Variants in SLC25A28 observed in about 807,000 individuals in gnomAD.
The protein encoded by SLC25A28 is solute carrier family 25 member 28, also known as mitoferrin-2.
Under a neutral mutation model 31.9 loss-of-function variants are expected in SLC25A28, and 10 were observed. The observed-to-expected ratio is 0.31, with a 90% confidence interval of 0.19 to 0.53. The LOEUF is 0.53. Ranked by LOEUF, SLC25A28 falls within the 20% of genes least tolerant of loss-of-function variation. SLC25A28 has a pLI of 0.95. For missense variants in SLC25A28, 256 were observed against 490.3 expected, an observed-to-expected ratio of 0.52 and a Z score of 4.51; for synonymous variants, 208 against 203.6, an observed-to-expected ratio of 1.02 and a Z score of -0.19.
At chr10:99,657,979 A>G in the SLC25A28 span, among the ~76,000 whole-genome samples, 3 of 152,084 alleles carry the variant, frequency 2.0e-5, no homozygotes, top group Non-Finnish European at 4.4e-5. Context: ...TGAGCCCAGG[A>G]GTTCAAGACC....
chr10:99,646,520 T>A, the SLC25A28 span, among the ~76,000 whole-genome samples: 2 of 152,340 alleles, frequency 1.3e-5, no homozygotes, highest in African/African-American at 4.8e-5. Flanking sequence ...GGTGAGGTGA[T>A]GCTCCACCCT....
In SLC25A28 at chr10:99,611,261, T is replaced by C; in HGVS notation, c.683A>G (p.Tyr228Cys). 1 of 1,614,080 alleles carries C rather than the reference T, an allele frequency of 6.2e-7. No homozygotes were observed. Among genetic ancestry groups the C allele is most frequent in the Non-Finnish European group, 8.5e-7 (1 of 1,180,006 alleles). ...NEGAGAFYRS[Y>C]TTQLTMNVPF... Reference sequence around the variant, plus strand: ...AACGTTCATGGTCAGCTGGGTGGTGTAGCTGCGGTAAAAGGCCCCGGCCCC... The same window carrying C: ...AACGTTCATGGTCAGCTGGGTGGTGCAGCTGCGGTAAAAGGCCCCGGCCCC... The change falls in exon 4 of 4, where the codon TAC becomes TGC. Residue 228 changes from tyrosine to cysteine, a missense_variant. This residue lies in a region of SLC25A28 where 158 missense variants were observed against 379.1 expected (regional missense o/e 0.42). Coordinates refer to ENST00000370495, the MANE Select transcript of SLC25A28 (RefSeq NM_031212.4). This position sits in a 1 kb window ranked among gnomAD's most constrained non-coding sequence, Gnocchi z 5.5.
rs2034750080 is a variant in SLC25A28, at chr10:99,620,127, G to A, written c.209C>T (p.Ala70Val). ...GPDYEALPAG[A>V]TVTTHMVAGA... is the part of the protein sequence containing the mutation. ...TGCCACCATGTGCGTGGTGACAGTGGCTCCAGCCGGCAGCGCCTCGTAGTC... is the reference window on the plus strand; with the variant it reads ...TGCCACCATGTGCGTGGTGACAGTGACTCCAGCCGGCAGCGCCTCGTAGTC... The change falls in exon 1 of 4, where the codon GCC (alanine) becomes GTC (valine). Residue 70 changes from alanine to valine, a missense_variant. Ala to Val is a moderately conservative substitution (Grantham distance 64). Around this residue, in one of 4 missense-constraint regions of SLC25A28, gnomAD observed 41 missense variants for 41.7 expected, o/e 0.98. Coordinates refer to ENST00000370495, the MANE Select transcript of SLC25A28 (RefSeq NM_031212.4). 1.3e-6 allele frequency: 2 copies of A among 1,580,718 alleles called. No individual in the cohort carries two copies. The highest frequency in any genetic ancestry group is 1.1e-5 in the South Asian group (1 of 90,014).
At chr10:99,619,320 T>A in intron 1 of SLC25A28, 1 of 985,446 alleles carries the variant, frequency 1.0e-6, no homozygotes, top group Non-Finnish European at 1.2e-6. Flanking sequence ...CAAAGAAATA[T>A]GCTATCAGTT....
At position 99,613,494 on chromosome 10, in the gene SLC25A28, T is replaced by A; in HGVS notation, c.520+202A>T. 3 of 1,438,152 alleles carry A rather than the reference T, an allele frequency of 2.1e-6. No homozygotes were observed. The highest frequency in any genetic ancestry group is 2.7e-6 in the Non-Finnish European group (3 of 1,101,264). The allele number at this position is 1,438,152 out of a possible 1,614,324, so 89.1% of individuals were successfully genotyped here. A position where few individuals can be genotyped will look rare whatever the true frequency, so the allele number is the denominator to read the frequency against. Reference sequence around the variant, plus strand: ...GGTAAGGGAGGATACTGTAACCCTTTGTTGAGGTGCCCCAAAGGAAAAGGC... The same window carrying A: ...GGTAAGGGAGGATACTGTAACCCTTAGTTGAGGTGCCCCAAAGGAAAAGGC... On this transcript the variant is annotated intron_variant, in intron 2 of 3. Transcript: ENST00000370495. The surrounding 1 kb of genome is among the most constrained non-coding windows in gnomAD (Gnocchi z 4.9).
At chr10:99,656,570 A>C in the SLC25A28 span, among the ~76,000 whole-genome samples, 1 of 152,136 alleles carries the variant, frequency 6.6e-6, no homozygotes, top group Non-Finnish European at 1.5e-5. Context: ...TGTAGACCAC[A>C]TGACACTCCT....
the SLC25A28 span, among the ~76,000 whole-genome samples, chr10:99,656,292 T>C: frequency 6.6e-6 from 1 of 152,148 alleles, no homozygotes; most frequent in African/African-American, 2.4e-5. Context: ...TTAGAAGATC[T>C]TGGAGAGGAT....
rs751568989 is a variant in SLC25A28, at chr10:99,612,592, G to A, written c.528C>T (p.Ala176=). Residue 176 remains alanine (A), a synonymous_variant, in exon 3 of 4, where the codon GCC becomes GCT. Coordinates refer to ENST00000370495, the MANE Select transcript of SLC25A28 (RefSeq NM_031212.4). ...GGNSHIANGA[A]GCVATLLHDA... ...CATGAAGTAATGTTGCCACACACCCGGCCGCACCTGCAAACAAGAAAACAA... is the reference window on the plus strand; with the variant it reads ...CATGAAGTAATGTTGCCACACACCCAGCCGCACCTGCAAACAAGAAAACAA... 1.7e-5 allele frequency: 28 copies of A among 1,613,966 alleles called. No homozygotes were observed. Among genetic ancestry groups the A allele is most frequent in the Admixed American group, 8.3e-5 (5 of 60,004 alleles).
chr10:99,656,925 A>G, the SLC25A28 span, among the ~76,000 whole-genome samples: 3,087 of 152,340 alleles, frequency 0.02, 54 homozygotes, highest in Middle Eastern at 0.1. Context: ...CCAGATAAGC[A>G]TTGCTGGTTT....
the SLC25A28 span, among the ~76,000 whole-genome samples, chr10:99,626,731 T>G: frequency 2.6e-5 from 4 of 152,282 alleles, no homozygotes; most frequent in East Asian, 5.8e-4. Context: ...AATGGAAATT[T>G]CAGCCCATGT....
At chr10:99,640,794 C>A in the SLC25A28 span, among the ~76,000 whole-genome samples, 3 of 151,810 alleles carry the variant, frequency 2.0e-5, no homozygotes, top group African/African-American at 7.3e-5. Flanking sequence ...CAAGTCCCAC[C>A]TATGAGTGAG....
At chr10:99,620,829 C>T (rs1233726991), upstream of SLC25A28, 2 of 985,358 alleles carry the variant, frequency 2.0e-6, no homozygotes, top group Admixed American at 1.2e-4. Context: ...CTCTAGGGGC[C>T]GACTTCGGGC....
chr10:99,625,621 T>C, the SLC25A28 span, among the ~76,000 whole-genome samples: 553 of 152,358 alleles, frequency 3.6e-3, 10 homozygotes, highest in South Asian at 2.3e-3. Flanking sequence ...AAGTTTCAAT[T>C]TGGGCATGTG....
At chr10:99,631,747 G>T in the SLC25A28 span, among the ~76,000 whole-genome samples, 4 of 152,218 alleles carry the variant, frequency 2.6e-5, no homozygotes, top group Admixed American at 2.6e-4. Flanking sequence ...CATCTGTAAA[G>T]CAGTAATAAT....
At chr10:99,652,431 G>GC in the SLC25A28 span, among the ~76,000 whole-genome samples, 2 of 151,442 alleles carry the variant, frequency 1.3e-5, no homozygotes. Flanking sequence ...AAAAGCAAAT[G>GC]CCCCTTTTTT....
chr10:99,616,959 A>C, intron 1 of SLC25A28: 1 of 984,716 alleles, frequency 1.0e-6, no homozygotes. Flanking sequence ...TAGATGCAAG[A>C]AAATCAAATA....
Position 99,610,754 on chromosome 10 carries a change from C to G in SLC25A28, c.*95G>C, listed in dbSNP as rs561578893. 4.7e-6 allele frequency: 7 copies of G among 1,481,606 alleles called. No homozygotes were observed. The African/African-American group carries it at 8.4e-5, about 18-fold the overall frequency. 91.8% of individuals were successfully genotyped at this position (1,481,606 alleles called of 1,614,324 possible). On this transcript the variant is annotated 3_prime_UTR_variant, in exon 4 of 4. Transcript: ENST00000370495. Reference sequence around the variant, plus strand: ...GGGGGAGAGCCCCTCTACCTTCCTTCTAACTCCACTTGAGGTGGGAGCATT... The same window carrying G: ...GGGGGAGAGCCCCTCTACCTTCCTTGTAACTCCACTTGAGGTGGGAGCATT...
the SLC25A28 span, among the ~76,000 whole-genome samples, chr10:99,651,466 C>G: frequency 1.3e-5 from 2 of 152,006 alleles, no homozygotes; most frequent in Non-Finnish European, 2.9e-5. Flanking sequence ...TAGATACAAG[C>G]CCTTTATCAG....
the SLC25A28 span, among the ~76,000 whole-genome samples, chr10:99,639,722 TACACACAC>T: frequency 7.5e-4 from 98 of 131,124 alleles, no homozygotes; most frequent in East Asian, 7.5e-3. Context: ...GCACCATGGG[TACACACAC>T]ACACACACAC....
Sources: allele counts gnomAD v4.1 joint callset (sites outside exome capture counted in the v4.1 genomes callset), GRCh38; gene constraint gnomAD v4.1.1; regional missense constraint gnomAD v4.1.1; non-coding constraint Gnocchi (gnomAD v3.1); transcripts MANE v1.5; gene names NCBI Gene and HGNC (gene_info 2026-07-23, HGNC 2026-07-21).